Variants in ME1 observed in about 807,000 individuals in gnomAD.
ME1 encodes NADP-dependent malic enzyme.
A neutral mutation model predicts 66.4 loss-of-function variants in ME1; 74 were observed. That is an observed-to-expected ratio of 1.11 (90% CI 0.92 to 1.35). The LOEUF (loss-of-function observed/expected upper bound fraction) is 1.35, where lower values mean the gene tolerates loss of function less well. Among genes scored for constraint, ME1 ranks in the 40% most tolerant of loss-of-function variants. The pLI is 0.00. For missense variants in ME1, 750 were observed against 694.1 expected (o/e 1.08, Z -0.90); for synonymous variants, 251 against 235.6 (o/e 1.07, Z -0.60).
Position 83,407,899 on chromosome 6 carries a change from G to A in ME1, c.81C>T (p.Asp27=). 6.3e-7 allele frequency: 1 copy of A among 1,596,234 alleles called. No individual in the cohort carries two copies. The highest frequency in any genetic ancestry group is 1.1e-5 in the South Asian group (1 of 87,272). Residue 27 remains aspartate (D), a splice_region_variant and synonymous_variant, in exon 2 of 14, where the codon GAC becomes GAT. Coordinates refer to ENST00000369705, the MANE Select transcript of ME1 (RefSeq NM_002395.6). ...GTCTCTCTTCCAGGGTAAAGGCCAA[G>A]TCCTATAGAGAAAAAACACACACAC... ...LLTRNPHLNK[D]LAFTLEERQQ... is the part of the protein sequence containing the mutation.
At chr6:83,228,783 C>A in intron 10 of ME1, 43 bp downstream of exon 10, 9 of 1,326,752 alleles carry the variant, frequency 6.8e-6, no homozygotes, top group South Asian at 1.3e-5. Flanking sequence ...ACAATCAGGT[C>A]AAAATAAGGG....
In ME1 at chr6:83,290,989, C is replaced by T. The variant is rs116938981; in HGVS notation, c.704+24321G>A. 6.9e-3 allele frequency among the ~76,000 whole-genome samples: 1,049 copies of T among 152,226 alleles called. 9 individuals carry two copies. Among genetic ancestry groups the T allele is most frequent in the Non-Finnish European group, 0.01 (710 of 68,000 alleles). On this transcript the variant is annotated intron_variant, in intron 6 of 13. Coordinates refer to ENST00000369705, the MANE Select transcript of ME1 (RefSeq NM_002395.6). ...TTGCTTGATAGATCTTCCTCCATTC[C>T]TTTATTTCAAGCCTGATGTGTGTCT...
rs561946859 is a variant in ME1 at position 83,291,695 on chromosome 6, A to C, written c.704+23615T>G. Among the ~76,000 whole-genome samples the C allele has an allele frequency of 4.6e-5, 7 of 152,246 alleles. No homozygotes were observed. In the East Asian group the frequency reaches 1.2e-3, roughly 25 times the overall value. ...TGCTAGGTTGGGGAAGTTCTCCTGC[A>C]TAATATCCTGAAGAGTGTTTTCTAA... On this transcript the variant is annotated intron_variant, in intron 6 of 13. Coordinates refer to ENST00000369705, the MANE Select transcript of ME1 (RefSeq NM_002395.6).
chr6:83,300,485 C>T (rs533430316), intron 6 of ME1, among the ~76,000 whole-genome samples: 1 of 152,026 alleles, frequency 6.6e-6, no homozygotes, highest in South Asian at 2.1e-4. Flanking sequence ...GTAAACTATG[C>T]ATCTGACAAG....
chr6:83,292,186 T>C (rs1433858303), intron 6 of ME1, among the ~76,000 whole-genome samples: 1 of 152,138 alleles, frequency 6.6e-6, no homozygotes, highest in East Asian at 1.9e-4. Context: ...TGTGTTCCTT[T>C]GGAGAAGAGG....
chr6:83,394,271 T>G (rs567247207), intron 3 of ME1, among the ~76,000 whole-genome samples: 29 of 152,216 alleles, frequency 1.9e-4, no homozygotes, highest in African/African-American at 6.3e-4. Flanking sequence ...AAATAAGACC[T>G]ATTGTATATT....
Position 83,211,930 on chromosome 6 carries a change from G to T in ME1, c.1713C>A (p.Asp571Glu), listed in dbSNP as rs376220138. The T allele has an allele frequency of 8.2e-5, 129 of 1,582,294 alleles. No homozygotes were observed. The highest frequency in any genetic ancestry group is 1.0e-4 in the Non-Finnish European group (117 of 1,163,186). The part of the protein sequence containing the change: ...EEVQKIQTKV[D>E]Q Reference sequence around the variant, plus strand: ...AGAAATGTTTGCTATTATCCTACTGGTCAACTTTGGTCTGTATTTTCTGCA... The same window carrying T: ...AGAAATGTTTGCTATTATCCTACTGTTCAACTTTGGTCTGTATTTTCTGCA... The change falls in exon 14 of 14, where the codon GAC (aspartate) becomes GAA (glutamate). Residue 571 changes from aspartate (D) to glutamate (E), a missense_variant. By Grantham distance (45) the Asp-to-Glu change is conservative (BLOSUM62 2). Transcript: ENST00000369705.
intron 3 of ME1, among the ~76,000 whole-genome samples, chr6:83,375,455 C>T (rs1769271121): frequency 6.6e-6 from 1 of 152,106 alleles, no homozygotes; most frequent in African/African-American, 2.4e-5. Context: ...TATCCTGAGA[C>T]TTTGCTGCAG....
At chr6:83,212,468 C>G (rs1357177604) in intron 13 of ME1, among the ~76,000 whole-genome samples, 1 of 152,102 alleles carries the variant, frequency 6.6e-6, no homozygotes, top group African/African-American at 2.4e-5. Context: ...TTCAAGAATC[C>G]CTATTCTCAC....
Position 83,377,520 on chromosome 6 carries a change from T to C in ME1, c.362+20847A>G, listed in dbSNP as rs549276645. On this transcript the variant is annotated intron_variant, in intron 3 of 13. Transcript: ENST00000369705. ...TTACCAGTCACTCTCAAACATGCAA[T>C]TGCAGACTTGAGAGCATAGTTTTTG... Among the ~76,000 whole-genome samples, 11 of 152,272 alleles carry C rather than the reference T, an allele frequency of 7.2e-5. No homozygotes were observed. The South Asian group carries it at 2.1e-3, about 29-fold the overall frequency.
At chr6:83,273,235 A>G (rs1767117602) in intron 6 of ME1, among the ~76,000 whole-genome samples, 1 of 151,724 alleles carries the variant, frequency 6.6e-6, no homozygotes, top group Non-Finnish European at 1.5e-5. Flanking sequence ...TTCTAAAATG[A>G]GAATTTCAAA....
chr6:83,297,184 C>G (rs905287809), intron 6 of ME1, among the ~76,000 whole-genome samples: 1 of 152,016 alleles, frequency 6.6e-6, no homozygotes, highest in Admixed American at 6.6e-5. Flanking sequence ...AAAGCCAAAT[C>G]AGGAACTCAA....
chr6:83,409,147 A>G (rs1214636322), intron 1 of ME1, among the ~76,000 whole-genome samples: 2 of 152,182 alleles, frequency 1.3e-5, no homozygotes, highest in Non-Finnish European at 2.9e-5. Flanking sequence ...AATTTGCAGT[A>G]CCTTGATGTT....
intron 2 of ME1, among the ~76,000 whole-genome samples, chr6:83,399,592 TTCTTTGTA>T (rs1769804932): frequency 6.6e-6 from 1 of 152,244 alleles, no homozygotes; most frequent in Admixed American, 6.5e-5. Context: ...CAAGAAACTT[TTCTTTGTA>T]TCTGTATCTT....
intron 3 of ME1, among the ~76,000 whole-genome samples, chr6:83,364,034 A>C (rs760345536): frequency 3.3e-5 from 5 of 152,170 alleles, no homozygotes; most frequent in Non-Finnish European, 5.9e-5. Context: ...TGTCAACTTG[A>C]TAGGATTGAA....
chr6:83,416,620 G>A (rs953959048), intron 1 of ME1, among the ~76,000 whole-genome samples: 8 of 152,158 alleles, frequency 5.3e-5, no homozygotes, highest in Non-Finnish European at 1.0e-4. Context: ...CAGGCACAGT[G>A]ACTCACGCCT....
chr6:83,308,664 A>G (rs1286778821), intron 6 of ME1, among the ~76,000 whole-genome samples: 2 of 151,422 alleles, frequency 1.3e-5, no homozygotes, highest in Admixed American at 6.6e-5. Flanking sequence ...ACAAATATTT[A>G]TTGAGTACTT....
chr6:83,312,426 T>C (rs1010923544), intron 6 of ME1, among the ~76,000 whole-genome samples: 3 of 152,082 alleles, frequency 2.0e-5, no homozygotes, highest in Non-Finnish European at 2.9e-5. Flanking sequence ...ACAAGACCCA[T>C]ATCAAATCCT....
chr6:83,419,083 T>A (rs1280351885), intron 1 of ME1, among the ~76,000 whole-genome samples: 6 of 152,102 alleles, frequency 3.9e-5, no homozygotes, highest in Non-Finnish European at 8.8e-5. Flanking sequence ...CGAACCTGAG[T>A]GGGCAAGTCC....
Sources: gnomAD v4.1 joint callset for allele counts (sites outside exome capture counted in the v4.1 genomes callset) on GRCh38, gnomAD v4.1.1 for gene constraint, MANE v1.5 for transcripts, NCBI Gene and HGNC (gene_info 2026-07-23, HGNC 2026-07-21) for gene names.